Variants in KANK1 observed in about 807,000 individuals in gnomAD.
The protein encoded by KANK1 is KN motif and ankyrin repeat domains 1.
In KANK1, 109 loss-of-function variants were observed where a neutral mutation model predicts 106.2. That is an observed-to-expected ratio of 1.03 (90% CI 0.88 to 1.20). The LOEUF (loss-of-function observed/expected upper bound fraction) is 1.20. Ranked by LOEUF, KANK1 falls within the 50% of genes most tolerant of loss-of-function variation. The pLI is 0.00. For missense variants in KANK1, 2,399 were observed against 1,710.7 expected (o/e 1.40, Z -7.10); for synonymous variants, 873 against 652.2 (o/e 1.34, Z -5.16).
chr9:538,920 G>T (rs1459213197), intron 1 of KANK1, among the ~76,000 whole-genome samples: 1 of 152,080 alleles, frequency 6.6e-6, no homozygotes, highest in Non-Finnish European at 1.5e-5. Flanking sequence ...TCACTGTGTT[G>T]CCCAGGCTGG....
At chr9:573,300 C>G (rs535463392) in intron 1 of KANK1, among the ~76,000 whole-genome samples, 1 of 152,032 alleles carries the variant, frequency 6.6e-6, no homozygotes, top group Admixed American at 6.6e-5. Flanking sequence ...GACAGAGTCT[C>G]GCTCTGTCAC....
chr9:707,098 C>T (rs1051079479), intron 2 of KANK1: 3 of 985,466 alleles, frequency 3.0e-6, no homozygotes, highest in Non-Finnish European at 3.6e-6. Flanking sequence ...CAGCCTATGG[C>T]ATCCGAGCGT....
Position 701,177 on chromosome 9 carries a change from G to A in KANK1, c.38-9627G>A, listed in dbSNP as rs1357806829. Among the ~76,000 whole-genome samples the A allele has an allele frequency of 2.0e-5, 3 of 152,110 alleles. No homozygotes were observed. The East Asian group carries it at 5.8e-4, about 29-fold the overall frequency. ...TGCCCAGGCTGGAGTGCAATGTCAT[G>A]ATCTTGGCTCACCACAACCTCTGCC... On this transcript the variant is annotated intron_variant, in intron 2 of 11. Transcript: ENST00000382297.
At chr9:537,529 T>A (rs528543244) in intron 1 of KANK1, among the ~76,000 whole-genome samples, 1 of 152,296 alleles carries the variant, frequency 6.6e-6, no homozygotes, top group South Asian at 2.1e-4. Context: ...TTTTTTCTCT[T>A]GAGATTATAA....
chr9:657,393 G>T (rs2137871095), intron 1 of KANK1, among the ~76,000 whole-genome samples: 1 of 145,342 alleles, frequency 6.9e-6, no homozygotes, highest in East Asian at 2.2e-4. Context: ...ATACCCAGAA[G>T]TAGGGTTCTT....
rs556847733 is a variant in KANK1 at position 597,578 on chromosome 9, C to G, written c.-83-79312C>G. On this transcript the variant is annotated intron_variant, in intron 1 of 11. Transcript: ENST00000382297. ...TATTTGTTGTTGACTTGTAAGAGTGCTTTATATATTCTGGATACTAGACCC... is the reference window on the plus strand; with the variant it reads ...TATTTGTTGTTGACTTGTAAGAGTGGTTTATATATTCTGGATACTAGACCC... 7.3e-5 allele frequency among the ~76,000 whole-genome samples: 11 copies of G among 151,636 alleles called. No homozygotes were observed. The South Asian group carries it at 2.3e-3, about 31-fold the overall frequency.
chr9:548,397 G>C (rs113324843), intron 1 of KANK1, among the ~76,000 whole-genome samples: 1 of 152,154 alleles, frequency 6.6e-6, no homozygotes, highest in African/African-American at 2.4e-5. Context: ...GCTTTTTATT[G>C]TTGTACGTGA....
intron 1 of KANK1, among the ~76,000 whole-genome samples, chr9:530,082 G>A (rs1337418700): frequency 6.6e-6 from 1 of 152,064 alleles, no homozygotes; most frequent in East Asian, 1.9e-4. Flanking sequence ...GTGTTTCTGC[G>A]AACTGTTCAT....
At chr9:730,354 T>C in intron 4 of KANK1, 106 bp downstream of exon 4, 1 of 1,175,828 alleles carries the variant, frequency 8.5e-7, no homozygotes, top group South Asian at 1.3e-5. Flanking sequence ...GGAAGAAAGT[T>C]AATATCGTTA....
intron 1 of KANK1, among the ~76,000 whole-genome samples, chr9:546,604 C>G (rs370734106): frequency 7.4e-4 from 112 of 152,168 alleles, no homozygotes; most frequent in African/African-American, 2.6e-3. Context: ...TCTTACTCAT[C>G]ATGTTATAGG....
chr9:509,946 A>C (rs577210099), intron 1 of KANK1, among the ~76,000 whole-genome samples: 1 of 150,994 alleles, frequency 6.6e-6, no homozygotes, highest in Non-Finnish European at 1.5e-5. Flanking sequence ...GACTACAGGC[A>C]TGTGCCACTG....
At chr9:736,240 T>C (rs932417866) in intron 7 of KANK1, among the ~76,000 whole-genome samples, 34 of 152,180 alleles carry the variant, frequency 2.2e-4, no homozygotes, top group Admixed American at 1.3e-4. Flanking sequence ...TTTACAGGCA[T>C]GACCCACCGC....
chr9:722,327 C>T (rs1021218050), intron 3 of KANK1, among the ~76,000 whole-genome samples: 1 of 152,096 alleles, frequency 6.6e-6, no homozygotes, highest in Non-Finnish European at 1.5e-5. Flanking sequence ...CTCTCTCTCT[C>T]TCTGTCTCTC....
chr9:711,194 C>A lies in KANK1; in HGVS notation c.428C>A (p.Pro143His). The change falls in exon 3 of 12, where the codon CCC (proline) becomes CAC (histidine). Residue 143 changes from proline to histidine, a missense_variant. Transcript: ENST00000382297. ...TIPENRQLPP[P>H]SPQLPKHNLH... The stretch of plus-strand genomic sequence containing the variant: ...CCAGAAAATCGACAGCTGCCACCTC[C>A]CTCACCACAACTCCCAAAGCATAAC... 1 of 1,614,174 alleles carries A rather than the reference C, an allele frequency of 6.2e-7. No individual in the cohort carries two copies. Among genetic ancestry groups the A allele is most frequent in the Non-Finnish European group, 8.5e-7 (1 of 1,180,036 alleles).
chr9:577,075 T>C (rs1820758878), intron 1 of KANK1, among the ~76,000 whole-genome samples: 1 of 152,148 alleles, frequency 6.6e-6, no homozygotes, highest in Non-Finnish European at 1.5e-5. Flanking sequence ...TTTGCAGTGT[T>C]ACAGGTCATG....
chr9:506,679 G>A (rs971438200), intron 1 of KANK1, among the ~76,000 whole-genome samples: 2 of 152,238 alleles, frequency 1.3e-5, no homozygotes, highest in African/African-American at 4.8e-5. Context: ...CACTGGAATT[G>A]ATACATTCAA....
chr9:529,014 G>T (rs1300504284), intron 1 of KANK1, among the ~76,000 whole-genome samples: 1 of 152,012 alleles, frequency 6.6e-6, no homozygotes, highest in Non-Finnish European at 1.5e-5. Context: ...TCCCAGGCTG[G>T]TCTTGAACTC....
chr9:647,706 AG>A (rs1170167451), intron 1 of KANK1, among the ~76,000 whole-genome samples: 3 of 150,984 alleles, frequency 2.0e-5, no homozygotes, highest in Admixed American at 2.0e-4. Flanking sequence ...AGATGTCCTG[AG>A]CTATTTTTTA....
chr9:586,412 G>C (rs950307877), intron 1 of KANK1, among the ~76,000 whole-genome samples: 2 of 152,168 alleles, frequency 1.3e-5, no homozygotes, highest in African/African-American at 4.8e-5. Context: ...AAACAGATGA[G>C]GTATGCCAAG....
Sources: allele counts gnomAD v4.1 joint callset (sites outside exome capture counted in the v4.1 genomes callset), GRCh38; gene constraint gnomAD v4.1.1; transcripts MANE v1.5; gene names NCBI Gene and HGNC (gene_info 2026-07-23, HGNC 2026-07-21).